Variants in PIGN observed in about 807,000 individuals in gnomAD.
PIGN encodes the protein GPI ethanolamine phosphate transferase 1.
Under a neutral mutation model 125.4 loss-of-function variants are expected in PIGN, and 117 were observed. The observed-to-expected ratio is 0.93, with a 90% CI of 0.80 to 1.09. The LOEUF (loss-of-function observed/expected upper bound fraction) is 1.09, where lower values mean the gene tolerates loss of function less well. Among genes scored for constraint, PIGN ranks in the 50% least tolerant of loss-of-function variants. PIGN has a pLI of 0.00. For missense variants in PIGN, 1,075 were observed against 1,094.9 expected (o/e 0.98, Z 0.26); for synonymous variants, 392 against 377.8 (o/e 1.04, Z -0.44).
At chr18:62,156,655 G>A (rs2036745776) in intron 6 of PIGN, among the ~76,000 whole-genome samples, 1 of 152,048 alleles carries the variant, frequency 6.6e-6, no homozygotes, top group Admixed American at 6.5e-5. Flanking sequence ...TATATGAGTA[G>A]CTACTAACTT....
chr18:62,161,099 T>G, intron 4 of PIGN, 34 bp downstream of exon 4: 1 of 1,383,034 alleles, frequency 7.2e-7, no homozygotes, highest in Non-Finnish European at 1.0e-6. Flanking sequence ...AATAACATTT[T>G]AAGAGATGTC....
intron 30 of PIGN, among the ~76,000 whole-genome samples, chr18:62,065,015 T>C (rs933976628): frequency 1.3e-5 from 2 of 152,170 alleles, no homozygotes; most frequent in Non-Finnish European, 2.9e-5. Flanking sequence ...GAAAGCCTCC[T>C]GGACAAGGAC....
intron 30 of PIGN, among the ~76,000 whole-genome samples, chr18:62,048,480 A>G (rs1346368939): frequency 6.6e-6 from 1 of 152,186 alleles, no homozygotes; most frequent in East Asian, 1.9e-4. Context: ...CAATTTGAAT[A>G]ACAGCAGATT....
At chr18:62,026,940 C>T (rs753570427) in intron 23 of PIGN, among the ~76,000 whole-genome samples, 25 of 152,176 alleles carry the variant, frequency 1.6e-4, no homozygotes, top group Admixed American at 1.3e-4. Flanking sequence ...CGGTGGCTCA[C>T]GCCTGTAATT....
chr18:62,080,846 C>T (rs2033415421), intron 28 of PIGN, among the ~76,000 whole-genome samples: 2 of 152,078 alleles, frequency 1.3e-5, no homozygotes, highest in Non-Finnish European at 1.5e-5. Flanking sequence ...TGCTTACATC[C>T]ATAAGCATTC....
intron 30 of PIGN, among the ~76,000 whole-genome samples, chr18:62,060,990 GC>G (rs776930518): frequency 1.5e-4 from 23 of 152,118 alleles, no homozygotes; most frequent in Non-Finnish European, 1.8e-4. Context: ...TATGGCCTGG[GC>G]AGGATATTTT....
downstream of PIGN, chr18:62,041,087 G>GT (rs1278142970): frequency 2.6e-5 from 4 of 151,978 alleles, no homozygotes; most frequent in Admixed American, 6.6e-5. Context: ...TCTTTTCATA[G>GT]TTTTTTTAAA....
Position 62,154,640 on chromosome 18 carries a change from C to T in PIGN, c.454G>A (p.Asp152Asn), listed in dbSNP as rs896820283. ...TCATAACTATATGTATAAACGTGGT[C>T]TCCACTAGCACCTGAAAAGAAAATT... ...LPMFAKGASG[D>N]HVYTYSYDAK... Residue 152 changes from aspartate to asparagine, a missense_variant, in exon 7 of 31, where the codon GAC becomes AAC. Around this residue, in one of 3 missense-constraint regions of PIGN, gnomAD observed 915 missense variants for 908.7 expected, o/e 1.01. Transcript: ENST00000640252. The T allele has an allele frequency of 1.3e-6, 2 of 1,494,500 alleles. No homozygotes were observed. Among genetic ancestry groups the T allele is most frequent in the South Asian group, 1.1e-5 (1 of 87,190 alleles). 92.6% of individuals were successfully genotyped at this position (1,494,500 alleles called of 1,614,324 possible).
chr18:62,182,303 T>G (rs908441835), intron 1 of PIGN, among the ~76,000 whole-genome samples: 1 of 148,088 alleles, frequency 6.8e-6, no homozygotes, highest in Admixed American at 7.0e-5. Context: ...CCTTTATAAA[T>G]CTACATGGAC....
At chr18:62,162,638 T>C (rs2036996846) in intron 2 of PIGN, 2 of 152,138 alleles carry the variant, frequency 1.3e-5, no homozygotes, top group Non-Finnish European at 2.9e-5. Context: ...AAGGGTCAAC[T>C]AAATATCAAA....
intron 23 of PIGN, among the ~76,000 whole-genome samples, chr18:62,094,887 T>C (rs1453747132): frequency 6.6e-6 from 1 of 152,200 alleles, no homozygotes; most frequent in South Asian, 2.1e-4. Flanking sequence ...TCATCTCTTA[T>C]ATGAGACTAC....
intron 23 of PIGN, among the ~76,000 whole-genome samples, chr18:62,034,111 A>G (rs895018396): frequency 1.3e-5 from 2 of 152,232 alleles, no homozygotes; most frequent in Non-Finnish European, 1.5e-5. Flanking sequence ...TGTTTCCCTT[A>G]TAACCTGGTA....
intron 23 of PIGN, among the ~76,000 whole-genome samples, chr18:62,032,783 A>ATT (rs879332440): frequency 6.6e-6 from 1 of 152,224 alleles, no homozygotes; most frequent in Admixed American, 6.5e-5. Flanking sequence ...CAGGGTTCTT[A>ATT]TAAGAATTAA....
chr18:62,064,464 T>C (rs918397796), intron 30 of PIGN, among the ~76,000 whole-genome samples: 13 of 152,362 alleles, frequency 8.5e-5, no homozygotes, highest in African/African-American at 2.9e-4. Context: ...ATGCTTTATG[T>C]ATGGTGAGTG....
chr18:62,060,324 G>A (rs2032041986), intron 30 of PIGN, among the ~76,000 whole-genome samples: 1 of 152,202 alleles, frequency 6.6e-6, no homozygotes, highest in Admixed American at 6.5e-5. Flanking sequence ...GAGGGGAAGA[G>A]CGTATGTGTG....
At chr18:62,155,903 CT>C (rs1303333612) in intron 6 of PIGN, among the ~76,000 whole-genome samples, 1 of 152,208 alleles carries the variant, frequency 6.6e-6, no homozygotes, top group African/African-American at 2.4e-5. Context: ...CAGTTTGGGG[CT>C]TTTTGGTCCG....
At chr18:62,018,430 T>C (rs2144853703) in intron 23 of PIGN, among the ~76,000 whole-genome samples, 1 of 152,358 alleles carries the variant, frequency 6.6e-6, no homozygotes, top group East Asian at 1.9e-4. Context: ...AATTATTCTT[T>C]TCCTATTAAG....
At chr18:62,059,441 T>C (rs942187819) in intron 30 of PIGN, among the ~76,000 whole-genome samples, 7 of 152,158 alleles carry the variant, frequency 4.6e-5, no homozygotes, top group Admixed American at 3.3e-4. Flanking sequence ...CAGAATGTGG[T>C]ATATCCAAAC....
intron 1 of PIGN, among the ~76,000 whole-genome samples, chr18:62,165,158 C>T (rs2037086658): frequency 6.6e-6 from 1 of 152,162 alleles, no homozygotes; most frequent in South Asian, 2.1e-4. Flanking sequence ...ATTAACTCCC[C>T]TTCTCAGGAA....
Sources: allele counts gnomAD v4.1 joint callset (sites outside exome capture counted in the v4.1 genomes callset), GRCh38; gene constraint gnomAD v4.1.1; regional missense constraint gnomAD v4.1.1; transcripts MANE v1.5; gene names NCBI Gene and HGNC (gene_info 2026-07-23, HGNC 2026-07-21).